The following ADAD1 variants were observed in gnomAD, a reference collection of about 807,000 sequenced individuals.
The protein encoded by ADAD1 is adenosine deaminase domain containing 1, also known as adenosine deaminase domain-containing protein 1.
In ADAD1, 46 loss-of-function variants were observed where a neutral mutation model predicts 66.8. The observed-to-expected ratio is 0.69, with a 90% CI of 0.54 to 0.88. ADAD1 has a LOEUF of 0.88. Among genes scored for constraint, ADAD1 ranks in the 40% least tolerant of loss-of-function variants. ADAD1 has a pLI of 0.00. For missense variants in ADAD1, 617 were observed against 681.8 expected (o/e 0.91, Z 1.06); for synonymous variants, 248 against 229.4 (o/e 1.08, Z -0.73).
At chr4:122,416,563 T>C (rs185424708) in intron 11 of ADAD1, among the ~76,000 whole-genome samples, 189 of 152,110 alleles carry the variant, frequency 1.2e-3, no homozygotes, top group African/African-American at 4.1e-3. Context: ...ATCCAGTCTT[T>C]TTTATAAAAA....
rs1364196092 is a variant in ADAD1 at position 122,380,364 on chromosome 4, T to C, written c.172+123T>C. 2.6e-6 allele frequency: 3 copies of C among 1,169,886 alleles called. No individual in the cohort carries two copies. The African/African-American group carries it at 4.6e-5, about 18-fold the overall frequency. The allele number at this position is 1,169,886 out of a possible 1,614,324, so 72.5% of individuals were successfully genotyped here. On this transcript the variant is annotated intron_variant, in intron 3 of 12. Transcript: ENST00000296513. The stretch of plus-strand genomic sequence containing the variant: ...GTATAGACATTTACCCGTGGCCGTG[T>C]ACCTGGAGCTGGCATCTGACTCAAC...
chr4:122,412,489 A>T, intron 9 of ADAD1, 91 bp from the exon 10 acceptor site: 1 of 1,055,468 alleles, frequency 9.5e-7, no homozygotes, highest in Non-Finnish European at 1.4e-6. Flanking sequence ...CTGGGAAGTT[A>T]AACATGTTAC....
At position 122,380,984 on chromosome 4, in the gene ADAD1, G is replaced by T; in HGVS notation, c.173-8G>T. 1 of 1,580,376 alleles carries T rather than the reference G, an allele frequency of 6.3e-7. No homozygotes were observed. On this transcript the variant is annotated splice_polypyrimidine_tract_variant and splice_region_variant and intron_variant, in intron 3 of 12. Transcript: ENST00000296513. ...AACCAAATTGACAAGTATAACATTT[G>T]TTTTTAGGTAATTTTCCAGAGCCGT...
At position 122,383,981 on chromosome 4, in the gene ADAD1, T is replaced by A. The variant is rs368236446; in HGVS notation, c.529+15T>A. ...AGAAACATCAGGTAAATACTCTTGA[T>A]TATAAAGTATTTATAAGAGGTATCA... On this transcript the variant is annotated intron_variant, in intron 5 of 12. Coordinates refer to ENST00000296513, the MANE Select transcript of ADAD1 (RefSeq NM_139243.4). 1.2e-5 allele frequency: 19 copies of A among 1,585,484 alleles called. No individual in the cohort carries two copies. The highest frequency in any genetic ancestry group is 1.5e-5 in the Non-Finnish European group (17 of 1,164,906).
At chr4:122,384,002 T>G (rs1795037682) in intron 5 of ADAD1, 36 bp downstream of exon 5, 2 of 1,507,372 alleles carry the variant, frequency 1.3e-6, no homozygotes, top group African/African-American at 1.4e-5. Flanking sequence ...TTATAAGAGG[T>G]ATCATTTTTC....
chr4:122,400,349 A>G (rs1795915324), intron 7 of ADAD1, among the ~76,000 whole-genome samples: 1 of 152,156 alleles, frequency 6.6e-6, no homozygotes, highest in Non-Finnish European at 1.5e-5. Flanking sequence ...CATCCCTAGT[A>G]TGAAACCCAC....
chr4:122,387,464 C>A (rs1288061973), intron 5 of ADAD1, among the ~76,000 whole-genome samples: 1 of 152,070 alleles, frequency 6.6e-6, no homozygotes, highest in Admixed American at 6.6e-5. Context: ...TTTCTAAATA[C>A]AAAATCATGT....
At chr4:122,408,363 G>A (rs1796311896) in intron 8 of ADAD1, among the ~76,000 whole-genome samples, 1 of 152,090 alleles carries the variant, frequency 6.6e-6, no homozygotes, top group Non-Finnish European at 1.5e-5. Context: ...GCAACCTCTG[G>A]CTTCCAGGTC....
rs74845071 is a variant in ADAD1 at position 122,424,054 on chromosome 4, T to G, written c.1617+2664T>G. 1.8e-3 allele frequency among the ~76,000 whole-genome samples: 277 copies of G among 152,310 alleles called. 1 individual carries two copies. The highest frequency in any genetic ancestry group is 4.1e-3 in the Admixed American group (63 of 15,294). On this transcript the variant is annotated intron_variant, in intron 12 of 12. Transcript: ENST00000296513. ...GAGACAGTGGAGGCCCAAAGGGCAGTATAATGGCAGGTTCAAGGTGCTGAA... is the reference window on the plus strand; with the variant it reads ...GAGACAGTGGAGGCCCAAAGGGCAGGATAATGGCAGGTTCAAGGTGCTGAA...
rs1796632392 is a variant in ADAD1 at position 122,414,386 on chromosome 4, C to A, written c.1250-993C>A. On this transcript the variant is annotated intron_variant, in intron 10 of 12. Transcript: ENST00000296513. ...GTTCATTGTAGATATATTAACTATT[C>A]CTCACACATTTTTTTTCCAACTTTT... Among the ~76,000 whole-genome samples, 6 of 151,082 alleles carry A rather than the reference C, an allele frequency of 4.0e-5. No homozygotes were observed. In the South Asian group the frequency reaches 1.3e-3, roughly 32 times the overall value.
chr4:122,400,901 A>G (rs1382833269), intron 7 of ADAD1, among the ~76,000 whole-genome samples: 1 of 151,824 alleles, frequency 6.6e-6, no homozygotes. Context: ...TTCTTGGTTA[A>G]TCTCACTACT....
intron 12 of ADAD1, among the ~76,000 whole-genome samples, chr4:122,425,571 T>C (rs1462407828): frequency 2.0e-5 from 3 of 149,710 alleles, no homozygotes; most frequent in Middle Eastern, 3.2e-3. Context: ...CAACCAACTA[T>C]GGATCGAAAA....
chr4:122,385,339 C>A (rs1213675742), intron 5 of ADAD1, among the ~76,000 whole-genome samples: 1 of 152,124 alleles, frequency 6.6e-6, no homozygotes, highest in Non-Finnish European at 1.5e-5. Flanking sequence ...GTGGTGCGAT[C>A]TCTGCTCACT....
At chr4:122,424,336 C>T (rs751527443) in intron 12 of ADAD1, among the ~76,000 whole-genome samples, 21 of 152,008 alleles carry the variant, frequency 1.4e-4, no homozygotes, top group Non-Finnish European at 2.6e-4. Flanking sequence ...AGTATGTGTG[C>T]GTGCATGTCT....
intron 8 of ADAD1, among the ~76,000 whole-genome samples, chr4:122,410,512 T>C (rs1796420772): frequency 1.3e-5 from 2 of 152,220 alleles, no homozygotes; most frequent in Non-Finnish European, 2.9e-5. Flanking sequence ...TTTTTAATTA[T>C]TGTGAATATA....
intron 5 of ADAD1, among the ~76,000 whole-genome samples, chr4:122,388,897 T>G (rs1206557958): frequency 6.6e-6 from 1 of 152,154 alleles, no homozygotes; most frequent in Non-Finnish European, 1.5e-5. Context: ...AGTTATTTCT[T>G]GTCTTCTGCT....
Position 122,407,980 on chromosome 4 carries a change from G to T in ADAD1, c.797G>T (p.Arg266Ile). The change falls in exon 8 of 13, where the codon AGA (arginine) becomes ATA (isoleucine). Residue 266 changes from arginine to isoleucine, a missense_variant. Physicochemically the swap from Arg to Ile is moderately conservative, Grantham distance 97 (BLOSUM62 -3). Coordinates refer to ENST00000296513, the MANE Select transcript of ADAD1 (RefSeq NM_139243.4). ...NYSQDIKPDG[R>I]VLHDTHAVVT... is the part of the protein sequence containing the mutation. ...AGCCAGGACATTAAGCCAGATGGAAGAGTATTGCATGACACTCATGCTGTT... is the reference window on the plus strand; with the variant it reads ...AGCCAGGACATTAAGCCAGATGGAATAGTATTGCATGACACTCATGCTGTT... The T allele has an allele frequency of 6.2e-7, 1 of 1,613,788 alleles. No homozygotes were observed. Among genetic ancestry groups the T allele is most frequent in the Non-Finnish European group, 8.5e-7 (1 of 1,179,804 alleles).
intron 7 of ADAD1, among the ~76,000 whole-genome samples, chr4:122,402,276 A>G (rs1580770480): frequency 6.6e-6 from 1 of 152,302 alleles, no homozygotes; most frequent in African/African-American, 2.4e-5. Context: ...GCTAGATACA[A>G]TATTCTTGGC....
intron 10 of ADAD1, among the ~76,000 whole-genome samples, chr4:122,413,286 A>G (rs1027565791): frequency 2.7e-4 from 41 of 152,172 alleles, no homozygotes; most frequent in African/African-American, 9.6e-4. Context: ...TTGCAGAAAC[A>G]AATTTTATGC....
Sources: allele counts gnomAD v4.1 joint callset (sites outside exome capture counted in the v4.1 genomes callset), GRCh38; gene constraint gnomAD v4.1.1; transcripts MANE v1.5; gene names NCBI Gene and HGNC (gene_info 2026-07-23, HGNC 2026-07-21).